The following CR2 variants were observed in gnomAD, a reference collection of about 807,000 sequenced individuals.
The protein encoded by CR2 is complement C3d receptor 2.
CR2 carries 96 observed loss-of-function variants against 123.0 expected under a neutral mutation model. The observed-to-expected ratio is 0.78, with a 90% confidence interval of 0.66 to 0.93. CR2 has a LOEUF of 0.93. Ranked by LOEUF, CR2 falls within the 40% of genes least tolerant of loss-of-function variation. The pLI, the probability that CR2 is intolerant of heterozygous loss-of-function variation, is 0.00. For synonymous variants in CR2, 484 were observed against 469.5 expected, an observed-to-expected ratio of 1.03 and a Z score of -0.40; for missense variants, 1,258 against 1,361.0, an observed-to-expected ratio of 0.92 and a Z score of 1.19.
Position 207,469,826 on chromosome 1 carries a change from C to T in CR2, c.949C>T (p.Leu317Phe), listed in dbSNP as rs763985007. 2 of 1,613,932 alleles carry T rather than the reference C, an allele frequency of 1.2e-6. No individual in the cohort carries two copies. Among genetic ancestry groups the T allele is most frequent in the African/African-American group, 1.3e-5 (1 of 74,998 alleles). ...CCCAGAGGAAGGAGTGAACTTCATC[C>T]TTATTGGAGAGAGCACTCTCCGTTG... is the stretch of plus-strand genomic sequence containing the variant. The part of the protein sequence containing the change: ...PDPEEGVNFI[L>F]IGESTLRCTV... The change falls in exon 6 of 20, where the codon CTT becomes TTT. Residue 317 changes from leucine to phenylalanine, a missense_variant. Transcript: ENST00000367057.
intron 1 of CR2, among the ~76,000 whole-genome samples, chr1:207,463,670 C>CATGTGCAGG (rs1658019744): frequency 6.6e-6 from 1 of 152,064 alleles, no homozygotes; most frequent in Non-Finnish European, 1.5e-5. Flanking sequence ...TTCTGGGGTA[C>CATGTGCAGG]ATGTGCAGGA....
intron 14 of CR2, 112 bp downstream of exon 14, chr1:207,475,328 G>T: frequency 8.6e-7 from 1 of 1,168,830 alleles, no homozygotes; most frequent in Non-Finnish European, 1.2e-6. Context: ...AGCTAAGGCA[G>T]TTATATTGTT....
At chr1:207,480,167 A>C in intron 18 of CR2, 114 bp downstream of exon 18, 1 of 795,948 alleles carries the variant, frequency 1.3e-6, no homozygotes, top group East Asian at 2.5e-5. Flanking sequence ...CAATGTGATA[A>C]CTAAATGAAG....
intron 6 of CR2, 73 bp from the exon 7 acceptor site, chr1:207,470,667 A>G: frequency 1.4e-6 from 2 of 1,447,500 alleles, no homozygotes; most frequent in Non-Finnish European, 9.7e-7. Context: ...ATGAATATCA[A>G]TTTCTTTGGC....
At chr1:207,455,188 T>G (rs1371737419) in intron 1 of CR2, among the ~76,000 whole-genome samples, 2 of 152,280 alleles carry the variant, frequency 1.3e-5, no homozygotes, top group Non-Finnish European at 2.9e-5. Context: ...AAGATTATAA[T>G]TAAGATTAGC....
chr1:207,471,350 C>A, intron 8 of CR2, 73 bp from the exon 9 acceptor site: 1 of 1,191,240 alleles, frequency 8.4e-7, no homozygotes, highest in Non-Finnish European at 1.3e-6. Context: ...AGTGAGTCTG[C>A]TTGGGAGCCA....
intron 6 of CR2, among the ~76,000 whole-genome samples, chr1:207,470,361 T>A (rs1658233741): frequency 6.6e-6 from 1 of 152,080 alleles, no homozygotes; most frequent in Admixed American, 6.5e-5. Flanking sequence ...AGGAGAAAAA[T>A]GCTTGTTTGT....
At position 207,461,686 on chromosome 1, in the gene CR2, G is replaced by T. The variant is rs537848299; in HGVS notation, c.59-4840G>T. Among the ~76,000 whole-genome samples the T allele has an allele frequency of 9.2e-5, 14 of 152,280 alleles. No individual in the cohort carries two copies. The South Asian group carries it at 2.9e-3, about 32-fold the overall frequency. ...CAGAGTAACCAATCTTAAGTTTGCTGTTGAGATATCTTGCAAATACAAATG... is the reference window on the plus strand; with the variant it reads ...CAGAGTAACCAATCTTAAGTTTGCTTTTGAGATATCTTGCAAATACAAATG... On this transcript the variant is annotated intron_variant, in intron 1 of 19. Transcript: ENST00000367057.
intron 1 of CR2, among the ~76,000 whole-genome samples, chr1:207,459,412 C>A (rs1474887151): frequency 6.6e-6 from 1 of 151,792 alleles, no homozygotes; most frequent in Non-Finnish European, 1.5e-5. Context: ...GGCAGGAAAC[C>A]CAGTATTAAG....
intron 1 of CR2, among the ~76,000 whole-genome samples, chr1:207,456,266 G>T (rs576276800): frequency 1.3e-5 from 2 of 152,124 alleles, no homozygotes; most frequent in African/African-American, 4.8e-5. Flanking sequence ...CTCATGCTTT[G>T]CCCACTCTCC....
chr1:207,463,018 A>G (rs745353310), intron 1 of CR2, among the ~76,000 whole-genome samples: 1 of 152,206 alleles, frequency 6.6e-6, no homozygotes, highest in African/African-American at 2.4e-5. Context: ...AAACATAAGC[A>G]GGCCTGTCAG....
rs756436289 is a variant in CR2 at position 207,471,547 on chromosome 1, C to T, written c.1570+48C>T. On this transcript the variant is annotated intron_variant, in intron 9 of 19. Coordinates refer to ENST00000367057, the MANE Select transcript of CR2 (RefSeq NM_001006658.3). ...GAGCTGAAATAATGTGAGATCTATA[C>T]ATTTCCTGGGAGATTTTTGTTTTGG... The T allele has an allele frequency of 1.8e-5, 24 of 1,327,158 alleles. No homozygotes were observed. In the East Asian group the frequency reaches 4.6e-4, roughly 25 times the overall value. The allele number at this position is 1,327,158 out of a possible 1,614,324, so 82.2% of individuals were successfully genotyped here.
intron 9 of CR2, chr1:207,471,847 T>C (rs1658292654): frequency 2.9e-6 from 1 of 350,292 alleles, no homozygotes; most frequent in Non-Finnish European, 5.6e-6. Flanking sequence ...TCTCTACTGC[T>C]TACTAGTGTG....
chr1:207,467,198 T>C (rs1380989819), intron 2 of CR2, among the ~76,000 whole-genome samples: 1 of 152,102 alleles, frequency 6.6e-6, no homozygotes, highest in Non-Finnish European at 1.5e-5. Context: ...CAGAGTTTGT[T>C]GGGGATGTGG....
At position 207,472,814 on chromosome 1, in the gene CR2, A is replaced by G. The variant is rs763755514; in HGVS notation, c.1613A>G (p.His538Arg). The G allele has an allele frequency of 5.4e-5, 87 of 1,613,860 alleles. No homozygotes were observed. In the South Asian group the frequency reaches 8.3e-4, roughly 15 times the overall value. The change falls in exon 10 of 20, where the codon CAC (histidine) becomes CGC (arginine). Residue 538 changes from histidine to arginine, a missense_variant. Coordinates refer to ENST00000367057, the MANE Select transcript of CR2 (RefSeq NM_001006658.3). ...CCCCCTGTTATCTACAATGGGGCACACACCGGGAGTTCCTTAGAAGATTTT... is the reference window on the plus strand; with the variant it reads ...CCCCCTGTTATCTACAATGGGGCACGCACCGGGAGTTCCTTAGAAGATTTT... ...PPPPVIYNGA[H>R]TGSSLEDFPY...
intron 17 of CR2, among the ~76,000 whole-genome samples, chr1:207,479,508 A>G (rs552129971): frequency 2.6e-5 from 4 of 152,286 alleles, no homozygotes; most frequent in Non-Finnish European, 5.9e-5. Flanking sequence ...TTAAATTGAT[A>G]TTTTAGTTTT....
At chr1:207,478,379 A>G (rs1252709828) in intron 16 of CR2, among the ~76,000 whole-genome samples, 1 of 151,348 alleles carries the variant, frequency 6.6e-6, no homozygotes, top group Non-Finnish European at 1.5e-5. Flanking sequence ...AATAATAATA[A>G]TAACCAGGCA....
chr1:207,470,164 G>A (rs1658227962), intron 6 of CR2, 62 bp downstream of exon 6: 83 of 1,595,814 alleles, frequency 5.2e-5, no homozygotes, highest in Non-Finnish European at 7.0e-5. Context: ...TAGAAGAAGG[G>A]GTTGTGGGCT....
intron 18 of CR2, among the ~76,000 whole-genome samples, chr1:207,481,185 A>G (rs1190080024): frequency 6.6e-6 from 1 of 152,040 alleles, no homozygotes. Flanking sequence ...TTAATCCATT[A>G]GGAATTTATT....
Sources: allele counts gnomAD v4.1 joint callset (sites outside exome capture counted in the v4.1 genomes callset), GRCh38; gene constraint gnomAD v4.1.1; transcripts MANE v1.5; gene names NCBI Gene and HGNC (gene_info 2026-07-23, HGNC 2026-07-21).